Variants in TMEM150B observed in about 807,000 individuals in gnomAD.
TMEM150B encodes transmembrane protein 150B, also known as modulator of macroautophagy TMEM150B.
Under a neutral mutation model 25.2 loss-of-function variants are expected in TMEM150B, and 33 were observed. The observed-to-expected ratio is 1.31, with a 90% CI of 0.99 to 1.75. TMEM150B has a LOEUF of 1.75. Ranked by LOEUF, TMEM150B falls within the 40% of genes most tolerant of loss-of-function variation. The pLI is 0.00. For synonymous variants in TMEM150B, 133 were observed against 134.8 expected, an observed-to-expected ratio of 0.99 and a Z score of 0.09; for missense variants, 322 against 306.1, an observed-to-expected ratio of 1.05 and a Z score of -0.39.
chr19:55,311,819 G>A (rs1016414811), downstream of TMEM150B: 94 of 1,370,818 alleles, frequency 6.9e-5, no homozygotes, highest in Middle Eastern at 1.8e-4. Context: ...TACTGAGACC[G>A]ACTGATGAGG....
At chr19:55,316,685 A>G in intron 7 of TMEM150B, 101 bp downstream of exon 7, 1 of 1,198,502 alleles carries the variant, frequency 8.3e-7, no homozygotes, top group African/African-American at 1.6e-5. Flanking sequence ...AGTGAGGCCC[A>G]GAGAAAGGAA....
At chr19:55,320,919 A>T in intron 3 of TMEM150B, 50 bp downstream of exon 3, 1 of 1,590,038 alleles carries the variant, frequency 6.3e-7, no homozygotes, top group Non-Finnish European at 8.6e-7. Context: ...TCCAGGCCCC[A>T]GCCCCCTCCA....
At chr19:55,312,757 G>A (rs2088840642), downstream of TMEM150B, 2 of 1,284,378 alleles carry the variant, frequency 1.6e-6, no homozygotes, top group Non-Finnish European at 2.1e-6. Context: ...CCAGCTGGTT[G>A]GAGAGATCTC....
rs1473110329 is a variant in TMEM150B, at chr19:55,320,540, A to G, written c.128+18T>C. 2.5e-6 allele frequency: 4 copies of G among 1,613,798 alleles called. No individual in the cohort carries two copies. Among genetic ancestry groups the G allele is most frequent in the East Asian group, 4.5e-5 (2 of 44,874 alleles). On this transcript the variant is annotated intron_variant, in intron 4 of 7. Coordinates refer to ENST00000326652, the MANE Select transcript of TMEM150B (RefSeq NM_001282011.2). ...GCAGCGGCGATCCCCCCAAATCCCT[A>G]CCCTCGGGCAGAATTACCTGATGTA...
chr19:55,309,880 C>T (rs1461138389), downstream of TMEM150B, among the ~76,000 whole-genome samples: 2 of 152,190 alleles, frequency 1.3e-5, no homozygotes. Context: ...GGGTACTGGG[C>T]CCCATTGCAG....
chr19:55,321,060 C>G lies in TMEM150B; in HGVS notation c.-24G>C. On this transcript the variant is annotated 5_prime_UTR_variant, in exon 3 of 8. Coordinates refer to ENST00000326652, the MANE Select transcript of TMEM150B (RefSeq NM_001282011.2). The stretch of plus-strand genomic sequence containing the variant: ...ATGCCGGGCTCTGCAGGTGAAGGAT[C>G]GGGGCTGAGGCTGGACACCTGTCTC... The G allele has an allele frequency of 6.2e-7, 1 of 1,606,832 alleles. No individual in the cohort carries two copies. The highest frequency in any genetic ancestry group is 8.5e-7 in the Non-Finnish European group (1 of 1,176,318).
downstream of TMEM150B, chr19:55,311,888 A>G (rs2088806475): frequency 6.2e-7 from 1 of 1,609,820 alleles, no homozygotes; most frequent in Non-Finnish European, 8.5e-7. Flanking sequence ...GGAACCCACG[A>G]AAAACCTCTT....
intron 2 of TMEM150B, 52 bp from the exon 3 acceptor site, chr19:55,321,145 A>AC: frequency 1.4e-6 from 2 of 1,477,826 alleles, no homozygotes; most frequent in Non-Finnish European, 1.8e-6. Context: ...TGTGGCCCCA[A>AC]CCACTAGGCC....
Position 55,312,808 on chromosome 19 carries a change from C to T in TMEM150B, c.*51G>A, listed in dbSNP as rs368102119. 204 of 1,512,636 alleles carry T rather than the reference C, an allele frequency of 1.3e-4. 2 individuals are homozygous for T. In the South Asian group the frequency reaches 2.2e-3, roughly 16 times the overall value. The allele number at this position is 1,512,636 out of a possible 1,614,324, so 93.7% of individuals were successfully genotyped here. On this transcript the variant is annotated 3_prime_UTR_variant, in exon 8 of 8. Transcript: ENST00000326652. ...CTGGGTGCGGGGCACTGGGATTGGC[C>T]CCATCTTTCCTGCTTCACTGGTGAG... is the stretch of plus-strand genomic sequence containing the variant.
In TMEM150B at chr19:55,316,966, C is replaced by A; in HGVS notation, c.325G>T (p.Glu109Ter). 2 of 1,596,778 alleles carry A rather than the reference C, an allele frequency of 1.3e-6. No homozygotes were observed. Among genetic ancestry groups the A allele is most frequent in the Non-Finnish European group, 8.5e-7 (1 of 1,173,942 alleles). The change falls in exon 7 of 8, where the codon GAA becomes TAA. Residue 109 changes from glutamate to a stop codon, truncating the protein, a stop_gained and splice_region_variant. Coordinates refer to ENST00000326652, the MANE Select transcript of TMEM150B (RefSeq NM_001282011.2). LOFTEE classifies it high-confidence loss of function. The part of the protein sequence containing the change: ...LGTSVVGNFQ[E>*]KNQRPTHLAG... Reference sequence around the variant, plus strand: ...AAGTGCGTAGGCCGCTGGTTCTTTTCCTGGGAGGAGAAGGGAGAAGTTGGG... The same window carrying A: ...AAGTGCGTAGGCCGCTGGTTCTTTTACTGGGAGGAGAAGGGAGAAGTTGGG...
rs756629747 is a variant in TMEM150B, at chr19:55,320,471, A to G, written c.129-13T>C. 6.3e-7 allele frequency: 1 copy of G among 1,599,774 alleles called. No homozygotes were observed. The highest frequency in any genetic ancestry group is 1.3e-5 in the African/African-American group (1 of 74,598). On this transcript the variant is annotated splice_polypyrimidine_tract_variant and intron_variant, in intron 4 of 7. Coordinates refer to ENST00000326652, the MANE Select transcript of TMEM150B (RefSeq NM_001282011.2). ...GGATCCGCAGATGCTGGGGAAGACA[A>G]AGGGGTCATCCTGGGCAATCCAAGC...
At position 55,320,084 on chromosome 19, in the gene TMEM150B, C is replaced by T. The variant is rs549799220; in HGVS notation, c.279G>A (p.Thr93=). Residue 93 remains threonine (T), a synonymous_variant, in exon 6 of 8, where the codon ACG becomes ACA. Coordinates refer to ENST00000326652, the MANE Select transcript of TMEM150B (RefSeq NM_001282011.2). ...AGGTGCCCAGGGCACACAGAAGACCCGTCCATAGGATCAGCTGGTTAGGCC... is the reference window on the plus strand; with the variant it reads ...AGGTGCCCAGGGCACACAGAAGACCTGTCCATAGGATCAGCTGGTTAGGCC... ...RRWPNQLILW[T]GLLCALGTSV... is the part of the protein sequence containing the mutation. The T allele has an allele frequency of 3.7e-6, 6 of 1,614,128 alleles. No homozygotes were observed. In the East Asian group the frequency reaches 1.1e-4, roughly 30 times the overall value.
chr19:55,312,175 C>T (rs2088816835), downstream of TMEM150B: 2 of 560,504 alleles, frequency 3.6e-6, no homozygotes, highest in South Asian at 5.4e-5. Flanking sequence ...GGGGGGTGGA[C>T]ACAAAAACCG....
At chr19:55,310,604 G>A (rs1416496463), downstream of TMEM150B, among the ~76,000 whole-genome samples, 1 of 152,154 alleles carries the variant, frequency 6.6e-6, no homozygotes, top group East Asian at 1.9e-4. The surrounding 1 kb of genome is among the most constrained non-coding windows in gnomAD (Gnocchi z 5.0). Flanking sequence ...CTCAACTGGG[G>A]AAAACAGGGG....
At chr19:55,319,978 G>A in intron 6 of TMEM150B, 61 bp downstream of exon 6, 3 of 1,611,154 alleles carry the variant, frequency 1.9e-6, no homozygotes, top group Non-Finnish European at 2.5e-6. Flanking sequence ...CACGGGGCAT[G>A]CTGGGAGTTG....
chr19:55,312,105 C>T (rs913671786), downstream of TMEM150B: 12 of 1,017,694 alleles, frequency 1.2e-5, no homozygotes, highest in East Asian at 3.0e-5. Context: ...CCCCCCTCCA[C>T]CCCCCTTCCG....
chr19:55,316,302 C>G (rs1190798414), intron 7 of TMEM150B, among the ~76,000 whole-genome samples: 1 of 152,112 alleles, frequency 6.6e-6, no homozygotes, highest in East Asian at 1.9e-4. Context: ...ATTGCAGAAC[C>G]TCACGCGCAT....
chr19:55,312,004 C>T (rs956939271), downstream of TMEM150B: 2 of 1,527,824 alleles, frequency 1.3e-6, no homozygotes, highest in Non-Finnish European at 1.8e-6. Flanking sequence ...CTGAGCAGCT[C>T]TCCCCGCCGA....
downstream of TMEM150B, chr19:55,312,630 C>T (rs548304943): frequency 2.2e-6 from 1 of 457,324 alleles, no homozygotes; most frequent in African/African-American, 2.0e-5. Flanking sequence ...TCCTGGGTGC[C>T]CAGTTGCAGG....
Sources: allele counts gnomAD v4.1 joint callset (sites outside exome capture counted in the v4.1 genomes callset), GRCh38; gene constraint gnomAD v4.1.1; non-coding constraint Gnocchi (gnomAD v3.1); transcripts MANE v1.5; gene names NCBI Gene and HGNC (gene_info 2026-07-23, HGNC 2026-07-21).